The following TP63 variants were observed in gnomAD, a reference collection of about 807,000 sequenced individuals.
The protein encoded by TP63 is tumor protein 63.
A neutral mutation model predicts 82.8 loss-of-function variants in TP63; 17 were observed. The observed-to-expected ratio is 0.21, with a 90% confidence interval of 0.14 to 0.31. TP63 has a LOEUF of 0.31. TP63 is among the 10% of genes least tolerant of loss of function. The probability of loss-of-function intolerance (pLI) is 1.00; values close to 1 mark genes in which losing one functional copy is unlikely to be tolerated. For missense variants in TP63, 648 were observed against 895.3 expected (o/e 0.72, Z 3.52); for synonymous variants, 330 against 321.7 (o/e 1.03, Z -0.28).
upstream of TP63, among the ~76,000 whole-genome samples, chr3:189,626,754 C>T (rs900726710): frequency 1.3e-5 from 2 of 152,126 alleles, no homozygotes; most frequent in African/African-American, 4.8e-5. Context: ...GCTGTTGAAT[C>T]TGACTTACGC....
At chr3:189,602,903 G>A in the TP63 span, among the ~76,000 whole-genome samples, 1 of 152,142 alleles carries the variant, frequency 6.6e-6, no homozygotes, top group East Asian at 1.9e-4. Flanking sequence ...AGTGTTCTAT[G>A]TTTAATGGCA....
intron 11 of TP63, among the ~76,000 whole-genome samples, chr3:189,888,712 A>T (rs1720714550): frequency 6.6e-6 from 1 of 152,248 alleles, no homozygotes; most frequent in Non-Finnish European, 1.5e-5. Flanking sequence ...TTAGTAAAAT[A>T]TCAGTAAGTA....
rs540412076 is a variant in TP63 at position 189,673,412 on chromosome 3, T to A, written c.62+41835T>A. Among the ~76,000 whole-genome samples, 191 of 152,026 alleles carry A rather than the reference T, an allele frequency of 1.3e-3. 1 individual carries two copies. Among genetic ancestry groups the A allele is most frequent in the Non-Finnish European group, 2.2e-3 (152 of 67,916 alleles). On this transcript the variant is annotated intron_variant, in intron 1 of 13. Coordinates refer to ENST00000264731, the MANE Select transcript of TP63 (RefSeq NM_003722.5). ...AGTTAGGACAATAAACCTAAATAAA[T>A]AAACATGCAAAGTAGAACATAAAGA...
At chr3:189,785,614 G>A (rs1304935662) in intron 3 of TP63, among the ~76,000 whole-genome samples, 1 of 152,006 alleles carries the variant, frequency 6.6e-6, no homozygotes, top group African/African-American at 2.4e-5. Context: ...TGAGGGACCG[G>A]AATGAACAGA....
At chr3:189,785,273 A>G (rs931346609) in intron 3 of TP63, among the ~76,000 whole-genome samples, 1 of 152,068 alleles carries the variant, frequency 6.6e-6, no homozygotes, top group Non-Finnish European at 1.5e-5. Flanking sequence ...TGCTTTGGGT[A>G]AATACTCTTC....
Position 189,677,365 on chromosome 3 carries a change from T to TA in TP63, c.62+45788_62+45789insA, listed in dbSNP as rs1553810174. On this transcript the variant is annotated intron_variant, in intron 1 of 13. Coordinates refer to ENST00000264731, the MANE Select transcript of TP63 (RefSeq NM_003722.5). ...ATAAATATATATAAATAATTATATA[T>TA]TTATATGTAAATAATTATATATAAA... Among the ~76,000 whole-genome samples, 45 of 72,548 alleles carry TA rather than the reference T, an allele frequency of 6.2e-4. No individual in the cohort carries two copies. In the South Asian group the frequency reaches 0.015, roughly 25 times the overall value. 47.6% of individuals were successfully genotyped at this position (72,548 alleles called of 152,430 possible).
chr3:189,795,406 A>G (rs1023503705), intron 3 of TP63, among the ~76,000 whole-genome samples: 1 of 152,036 alleles, frequency 6.6e-6, no homozygotes, highest in African/African-American at 2.4e-5. Flanking sequence ...TCCAGTATAA[A>G]ACAGAATTGG....
chr3:189,738,741 C>T lies in TP63; in HGVS notation c.291C>T (p.Arg97=). 1.2e-6 allele frequency: 2 copies of T among 1,614,098 alleles called. No individual in the cohort carries two copies. Among genetic ancestry groups the T allele is most frequent in the Non-Finnish European group, 1.7e-6 (2 of 1,180,004 alleles). The change falls in exon 3 of 14, where the codon CGC becomes CGT. Residue 97 remains arginine, a synonymous_variant. Coordinates refer to ENST00000264731, the MANE Select transcript of TP63 (RefSeq NM_003722.5). ...NKIEISMDCI[R]MQDSDLSDPM... ...TTGAGATTAGCATGGACTGTATCCG[C>T]ATGCAGGACTCGGACCTGAGTGACC... is the stretch of plus-strand genomic sequence containing the variant.
chr3:189,757,862 T>C (rs1722301898), intron 3 of TP63, among the ~76,000 whole-genome samples: 1 of 152,010 alleles, frequency 6.6e-6, no homozygotes, highest in South Asian at 2.1e-4. Context: ...AAAGGCAGTC[T>C]CCCGATAGAT....
intron 1 of TP63, among the ~76,000 whole-genome samples, chr3:189,719,158 A>G (rs1719185808): frequency 6.6e-6 from 1 of 152,230 alleles, no homozygotes; most frequent in African/African-American, 2.4e-5. Flanking sequence ...ACCTGCCCAC[A>G]GAAAAACGGT....
intron 4 of TP63, among the ~76,000 whole-genome samples, chr3:189,830,661 A>T (rs1240666398): frequency 6.6e-6 from 1 of 152,208 alleles, no homozygotes; most frequent in African/African-American, 2.4e-5. Flanking sequence ...TGAGTAAAAG[A>T]TGGATAAGGT....
intron 3 of TP63, among the ~76,000 whole-genome samples, chr3:189,750,990 C>A (rs1721776584): frequency 6.6e-6 from 1 of 152,044 alleles, no homozygotes; most frequent in Non-Finnish European, 1.5e-5. Context: ...TGCTGACAGG[C>A]CCTGATGTGT....
intron 1 of TP63, 116 bp from the exon 2 acceptor site, chr3:189,737,624 C>A: frequency 2.3e-6 from 3 of 1,283,724 alleles, no homozygotes; most frequent in Non-Finnish European, 3.3e-6. Flanking sequence ...TACATATATA[C>A]CTGCATGGTT....
chr3:189,725,577 G>A (rs1324243003), intron 1 of TP63, among the ~76,000 whole-genome samples: 1 of 152,056 alleles, frequency 6.6e-6, no homozygotes, highest in Non-Finnish European at 1.5e-5. Context: ...GTCAGGACAG[G>A]TGAAAATATA....
intron 1 of TP63, among the ~76,000 whole-genome samples, chr3:189,709,160 A>G (rs1003217957): frequency 1.3e-5 from 2 of 152,192 alleles, no homozygotes; most frequent in Admixed American, 6.5e-5. Context: ...GAATTTTTGT[A>G]TGTAATTATT....
chr3:189,881,255 G>T, intron 10 of TP63: 2 of 985,286 alleles, frequency 2.0e-6, no homozygotes, highest in Non-Finnish European at 2.4e-6. Context: ...AAGATTGAAA[G>T]GGTAGACTAC....
At chr3:189,765,725 GC>G (rs1188054091) in intron 3 of TP63, among the ~76,000 whole-genome samples, 1 of 151,592 alleles carries the variant, frequency 6.6e-6, no homozygotes, top group Middle Eastern at 3.2e-3. Flanking sequence ...GAGCCACCGC[GC>G]CCGGCCTGTC....
intron 1 of TP63, among the ~76,000 whole-genome samples, chr3:189,718,086 G>A (rs1719097734): frequency 6.6e-6 from 1 of 152,134 alleles, no homozygotes; most frequent in African/African-American, 2.4e-5. Flanking sequence ...TAACCTACAA[G>A]GATATATCAC....
chr3:189,738,486 GTGAT>G (rs1476934769), intron 2 of TP63, among the ~76,000 whole-genome samples, 152 bp from the exon 3 acceptor site: 3 of 152,200 alleles, frequency 2.0e-5, no homozygotes, highest in African/African-American at 7.2e-5. Context: ...CATTTGATAA[GTGAT>G]TGAGCCAGGA....
Sources: gnomAD v4.1 joint callset for allele counts (sites outside exome capture counted in the v4.1 genomes callset) on GRCh38, gnomAD v4.1.1 for gene constraint, MANE v1.5 for transcripts, NCBI Gene and HGNC (gene_info 2026-07-23, HGNC 2026-07-21) for gene names.